Variants in BRINP1 observed in about 807,000 individuals in gnomAD.
The protein encoded by BRINP1 is BMP/retinoic acid inducible neural specific 1, also known as BMP/retinoic acid-inducible neural-specific protein 1.
BRINP1 carries 17 observed loss-of-function variants against 72.9 expected under a neutral mutation model. The observed-to-expected ratio is 0.23, with a 90% CI of 0.16 to 0.35. The LOEUF is 0.35. Ranked by LOEUF, BRINP1 falls within the 10% of genes least tolerant of loss-of-function variation. BRINP1 has a pLI of 1.00. For synonymous variants in BRINP1, 418 were observed against 378.5 expected (o/e 1.10, Z -1.21); for missense variants, 850 against 1,001.6 (o/e 0.85, Z 2.04).
intron 1 of BRINP1, among the ~76,000 whole-genome samples, chr9:119,322,866 C>T (rs1831203964): frequency 6.6e-6 from 1 of 152,148 alleles, no homozygotes; most frequent in African/African-American, 2.4e-5. Context: ...GGGGGATGCA[C>T]ATCTCTTGGG....
Position 119,366,503 on chromosome 9 carries a change from C to CGT in BRINP1, c.-51+2551_-51+2552dup, listed in dbSNP as rs3983901. On this transcript the variant is annotated intron_variant, in intron 1 of 7. Transcript: ENST00000265922. ...TCTCTCTCAGTCCTCCCCCCACCAC[C>CGT]GTGTGTGTGTGTGTGTGTGTGTGTG... Among the ~76,000 whole-genome samples, 812 of 136,298 alleles carry CGT rather than the reference C, an allele frequency of 6.0e-3. 55 individuals carry two copies. Among genetic ancestry groups the CGT allele is most frequent in the Middle Eastern group, 0.011 (3 of 264 alleles). 89.4% of individuals were successfully genotyped at this position (136,298 alleles called of 152,430 possible).
intron 2 of BRINP1, among the ~76,000 whole-genome samples, chr9:119,276,213 A>G (rs1201776283): frequency 6.6e-6 from 1 of 152,206 alleles, no homozygotes; most frequent in Non-Finnish European, 1.5e-5. Flanking sequence ...AACAAGGCCC[A>G]TAAGTATATA....
chr9:119,350,631 T>G (rs950473127), intron 1 of BRINP1, among the ~76,000 whole-genome samples: 2 of 151,686 alleles, frequency 1.3e-5, no homozygotes, highest in African/African-American at 4.8e-5. Context: ...AAAAAAAGAT[T>G]GCACACACAC....
In BRINP1 at chr9:119,167,577, T is replaced by C. The variant is rs371331249; in HGVS notation, c.1793A>G (p.Tyr598Cys). 6.2e-7 allele frequency: 1 copy of C among 1,614,072 alleles called. No homozygotes were observed. Among genetic ancestry groups the C allele is most frequent in the Non-Finnish European group, 8.5e-7 (1 of 1,180,036 alleles). Residue 598 changes from tyrosine (Y) to cysteine (C), a missense_variant, in exon 8 of 8, where the codon TAC becomes TGC. Coordinates refer to ENST00000265922, the MANE Select transcript of BRINP1 (RefSeq NM_014618.3). The surrounding 1 kb of genome is among the most constrained non-coding windows in gnomAD (Gnocchi z 4.3). ...ATTGCCCAGCAAAAGAGTCCAGTTG[T>C]AGCACTGGCTGTTTTGGAGACGGAT... ...EKIRLQNSQC[Y>C]NWTLLLGNRW...
At chr9:119,324,269 C>A (rs1408571568) in intron 1 of BRINP1, among the ~76,000 whole-genome samples, 2 of 152,080 alleles carry the variant, frequency 1.3e-5, no homozygotes, top group African/African-American at 2.4e-5. Context: ...CTTCAAGACT[C>A]ATCCCACATA....
intron 7 of BRINP1, among the ~76,000 whole-genome samples, chr9:119,196,847 T>C (rs1052651856): frequency 1.3e-5 from 2 of 152,234 alleles, no homozygotes; most frequent in Non-Finnish European, 2.9e-5. Context: ...CATTTCTGGA[T>C]AAAATTAATC....
At chr9:119,361,600 T>C (rs1167791454) in intron 1 of BRINP1, among the ~76,000 whole-genome samples, 2 of 150,500 alleles carry the variant, frequency 1.3e-5, no homozygotes, top group African/African-American at 2.5e-5. Context: ...AACTTTGTCA[T>C]GCAACATATT....
chr9:119,201,000 G>A (rs894278793), intron 7 of BRINP1, among the ~76,000 whole-genome samples: 12 of 152,180 alleles, frequency 7.9e-5, no homozygotes, highest in African/African-American at 2.7e-4. Flanking sequence ...AAGAAATGGT[G>A]TGGAACCCAG....
intron 7 of BRINP1, among the ~76,000 whole-genome samples, chr9:119,207,735 T>C (rs1422185670): frequency 6.6e-6 from 1 of 152,208 alleles, no homozygotes; most frequent in Non-Finnish European, 1.5e-5. Context: ...TATATAAATA[T>C]GTGACTGACA....
At chr9:119,193,667 T>C (rs1829704560) in intron 7 of BRINP1, among the ~76,000 whole-genome samples, 1 of 152,174 alleles carries the variant, frequency 6.6e-6, no homozygotes, top group South Asian at 2.1e-4. Context: ...AAACCTCAAA[T>C]ACACACAATA....
intron 2 of BRINP1, among the ~76,000 whole-genome samples, chr9:119,280,701 C>T (rs1830702482): frequency 6.6e-6 from 1 of 152,132 alleles, no homozygotes; most frequent in Non-Finnish European, 1.5e-5. Context: ...TGTTGAACGT[C>T]ACTGTGTATG....
intron 7 of BRINP1, among the ~76,000 whole-genome samples, chr9:119,179,142 A>G (rs112131158): frequency 6.6e-6 from 1 of 152,152 alleles, no homozygotes; most frequent in Non-Finnish European, 1.5e-5. Flanking sequence ...AGGCTGCTTC[A>G]GAGGGGAGGG....
At chr9:119,333,153 A>T (rs1248291672) in intron 1 of BRINP1, among the ~76,000 whole-genome samples, 5 of 151,794 alleles carry the variant, frequency 3.3e-5, no homozygotes, top group Admixed American at 6.6e-5. Context: ...AGTCTCAAGC[A>T]GTCTCTGACT....
At chr9:119,205,027 C>A (rs1829838709) in intron 7 of BRINP1, among the ~76,000 whole-genome samples, 1 of 152,230 alleles carries the variant, frequency 6.6e-6, no homozygotes, top group Non-Finnish European at 1.5e-5. Flanking sequence ...ACCATGCAAT[C>A]AGTTCATTTG....
At chr9:119,361,316 G>A (rs906755527) in intron 1 of BRINP1, among the ~76,000 whole-genome samples, 3 of 152,016 alleles carry the variant, frequency 2.0e-5, no homozygotes, top group Non-Finnish European at 1.5e-5. Flanking sequence ...TGCCCCCTCA[G>A]TAGCAAGGAC....
At chr9:119,211,794 G>C (rs1432983175) in intron 6 of BRINP1, among the ~76,000 whole-genome samples, 1 of 152,168 alleles carries the variant, frequency 6.6e-6, no homozygotes, top group Non-Finnish European at 1.5e-5. Flanking sequence ...AGAAGCACAG[G>C]AGATCTAGAG....
intron 2 of BRINP1, among the ~76,000 whole-genome samples, chr9:119,268,379 C>T (rs1006682439): frequency 9.9e-5 from 15 of 152,254 alleles, no homozygotes; most frequent in Non-Finnish European, 1.8e-4. Context: ...CAACTTCACC[C>T]TCTACCATCC....
At chr9:119,345,344 A>T (rs540051732) in intron 1 of BRINP1, among the ~76,000 whole-genome samples, 16 of 152,316 alleles carry the variant, frequency 1.1e-4, no homozygotes, top group African/African-American at 3.8e-4. Context: ...AGAAAAAAAA[A>T]TTCTATTTCT....
At chr9:119,202,532 A>G (rs867603983) in intron 7 of BRINP1, among the ~76,000 whole-genome samples, 59 of 152,310 alleles carry the variant, frequency 3.9e-4, no homozygotes, top group African/African-American at 1.3e-3. Flanking sequence ...GTCCAGTAAT[A>G]GCTGAGACCA....
Sources: allele counts gnomAD v4.1 joint callset (sites outside exome capture counted in the v4.1 genomes callset), GRCh38; gene constraint gnomAD v4.1.1; non-coding constraint Gnocchi (gnomAD v3.1); transcripts MANE v1.5; gene names NCBI Gene and HGNC (gene_info 2026-07-23, HGNC 2026-07-21).